The following LARGE1 variants were observed in gnomAD, a reference collection of about 807,000 sequenced individuals.
The protein encoded by LARGE1 is LARGE xylosyl- and glucuronyltransferase 1, also known as xylosyl- and glucuronyltransferase LARGE1.
LARGE1 carries 43 observed loss-of-function variants against 87.6 expected under a neutral mutation model. The observed-to-expected ratio is 0.49, with a 90% CI of 0.38 to 0.63. The LOEUF (loss-of-function observed/expected upper bound fraction) is 0.63. LARGE1 is among the 30% of genes least tolerant of loss of function. The pLI is 0.00. For synonymous variants in LARGE1, 434 were observed against 394.6 expected (o/e 1.10, Z -1.18); for missense variants, 802 against 1,000.2 (o/e 0.80, Z 2.67).
intron 6 of LARGE1, among the ~76,000 whole-genome samples, chr22:33,476,624 C>T (rs1007734637): frequency 6.6e-6 from 1 of 152,210 alleles, no homozygotes. Flanking sequence ...AGACTGCTCT[C>T]AGATACTTTG....
intron 6 of LARGE1, among the ~76,000 whole-genome samples, chr22:33,493,099 T>A (rs1186891572): frequency 1.3e-5 from 2 of 151,848 alleles, no homozygotes; most frequent in African/African-American, 4.8e-5. Context: ...TCTTTCAAAT[T>A]CCTTCCTGCT....
chr22:33,268,256 C>T (rs975740231), downstream of LARGE1, among the ~76,000 whole-genome samples: 1 of 148,602 alleles, frequency 6.7e-6, no homozygotes, highest in South Asian at 2.1e-4. Context: ...GCCCGGCCCG[C>T]AAAAGTCAAA....
chr22:33,852,584 C>T (rs527464959), intron 1 of LARGE1, among the ~76,000 whole-genome samples: 2 of 152,198 alleles, frequency 1.3e-5, no homozygotes, highest in South Asian at 4.1e-4. Flanking sequence ...CGGTGGCTCA[C>T]ACTTGTAATC....
At chr22:33,483,892 C>T (rs1340730879) in intron 6 of LARGE1, among the ~76,000 whole-genome samples, 1 of 152,180 alleles carries the variant, frequency 6.6e-6, no homozygotes, top group East Asian at 1.9e-4. Flanking sequence ...CATCAGCCTG[C>T]TGCTGGGCAT....
chr22:33,855,217 C>T (rs2063723228), intron 1 of LARGE1, among the ~76,000 whole-genome samples: 1 of 152,104 alleles, frequency 6.6e-6, no homozygotes, highest in African/African-American at 2.4e-5. Context: ...ACCTGTAGTT[C>T]CAGCTACTCG....
chr22:33,748,127 G>A (rs1313218421), intron 2 of LARGE1, among the ~76,000 whole-genome samples: 3 of 141,110 alleles, frequency 2.1e-5, no homozygotes, highest in African/African-American at 8.4e-5. Flanking sequence ...TCCTATCAAT[G>A]CAGGTTTGTT....
At chr22:33,338,869 C>T (rs115547936) in intron 9 of LARGE1, among the ~76,000 whole-genome samples, 2,798 of 152,164 alleles carry the variant, frequency 0.018, 84 homozygotes, top group African/African-American at 0.064. Context: ...AATGAGAGGC[C>T]GGGTGCGGTG....
intron 4 of LARGE1, among the ~76,000 whole-genome samples, chr22:33,619,902 T>C (rs2079694203): frequency 6.6e-6 from 1 of 152,178 alleles, no homozygotes; most frequent in African/African-American, 2.4e-5. Flanking sequence ...TATATTCCCA[T>C]ATTCAAAACG....
chr22:33,745,620 T>C (rs186960026), intron 2 of LARGE1, among the ~76,000 whole-genome samples: 45 of 152,166 alleles, frequency 3.0e-4, no homozygotes, highest in Non-Finnish European at 4.9e-4. Context: ...ATACAGCTTC[T>C]AGGAAAGGAA....
intron 6 of LARGE1, among the ~76,000 whole-genome samples, chr22:33,547,793 CAAAAAAAAAAAAAAAA>C (rs57220257): frequency 5.6e-5 from 2 of 35,746 alleles, no homozygotes; most frequent in South Asian, 2.0e-3. Flanking sequence ...GACTCCATCT[CAAAAAAAAAAAAAAAA>C]AAAAAAAAAA....
Position 33,175,631 on chromosome 22 carries a change from AC to A in LARGE1, c.1731-8800del, listed in dbSNP as rs1922823295. ...AGGACCTCTTCAAGGAGAACTACAA[AC>A]CACTGCTCAATGAAATAAAAGAGAA... is the stretch of plus-strand genomic sequence containing the variant. On this transcript the variant is annotated intron_variant, in intron 11 of 11. Transcript: ENST00000608642. Among the ~76,000 whole-genome samples the A allele has an allele frequency of 2.0e-5, 3 of 152,134 alleles. No individual in the cohort carries two copies. The South Asian group carries it at 6.2e-4, about 31-fold the overall frequency.
At chr22:33,266,003 A>G (rs1029239439) in intron 11 of LARGE1, among the ~76,000 whole-genome samples, 1 of 152,176 alleles carries the variant, frequency 6.6e-6, no homozygotes, top group African/African-American at 2.4e-5. Context: ...TTCCCCAAGG[A>G]CTAGGCATAT....
chr22:33,327,226 G>A (rs1230484080), intron 10 of LARGE1, among the ~76,000 whole-genome samples: 1 of 152,172 alleles, frequency 6.6e-6, no homozygotes, highest in East Asian at 1.9e-4. Flanking sequence ...TTCTAGTTGA[G>A]GTGATGCTGT....
chr22:33,639,115 T>C (rs1001645357), intron 3 of LARGE1, among the ~76,000 whole-genome samples: 2 of 152,204 alleles, frequency 1.3e-5, no homozygotes, highest in African/African-American at 4.8e-5. Context: ...TCTGCCTTGC[T>C]TACGGGAATA....
At chr22:33,242,089 T>C (rs1182784042) in intron 11 of LARGE1, among the ~76,000 whole-genome samples, 1 of 152,194 alleles carries the variant, frequency 6.6e-6, no homozygotes. Context: ...TAAACATATA[T>C]CAAAACATCA....
At chr22:33,516,460 A>T (rs2071307665) in intron 6 of LARGE1, among the ~76,000 whole-genome samples, 1 of 152,016 alleles carries the variant, frequency 6.6e-6, no homozygotes, top group African/African-American at 2.4e-5. Context: ...ACATTTCTTT[A>T]AAAAAAGGAA....
the LARGE1 span, among the ~76,000 whole-genome samples, chr22:33,085,643 C>T: frequency 2.0e-5 from 3 of 152,170 alleles, no homozygotes; most frequent in Non-Finnish European, 4.4e-5. Flanking sequence ...GTACATAATA[C>T]TGTCAATTAC....
intron 6 of LARGE1, among the ~76,000 whole-genome samples, chr22:33,502,320 G>A (rs1481151750): frequency 1.3e-5 from 2 of 152,084 alleles, no homozygotes; most frequent in East Asian, 1.9e-4. Context: ...TGGGATGGTC[G>A]CCTAGGAAAC....
chr22:33,395,940 C>G (rs1384305835), intron 7 of LARGE1, among the ~76,000 whole-genome samples: 1 of 152,246 alleles, frequency 6.6e-6, no homozygotes, highest in Non-Finnish European at 1.5e-5. Flanking sequence ...GCTTCCAACA[C>G]TGTCAGAACG....
Sources: gnomAD v4.1 joint callset for allele counts (sites outside exome capture counted in the v4.1 genomes callset) on GRCh38, gnomAD v4.1.1 for gene constraint, MANE v1.5 for transcripts, NCBI Gene and HGNC (gene_info 2026-07-23, HGNC 2026-07-21) for gene names.